The following ECE1 variants were observed in gnomAD, a reference collection of about 807,000 sequenced individuals.
The protein encoded by ECE1 is endothelin-converting enzyme 1.
A neutral mutation model predicts 98.6 loss-of-function variants in ECE1; 35 were observed. That is an observed-to-expected ratio of 0.35 (90% CI 0.27 to 0.47). The LOEUF (loss-of-function observed/expected upper bound fraction) is 0.47. Among genes scored for constraint, ECE1 ranks in the 20% least tolerant of loss-of-function variants. The pLI, the probability that ECE1 is intolerant of heterozygous loss-of-function variation, is 1.00. For synonymous variants in ECE1, 394 were observed against 407.1 expected, an observed-to-expected ratio of 0.97 and a Z score of 0.39; for missense variants, 814 against 1,025.3, an observed-to-expected ratio of 0.79 and a Z score of 2.81.
chr1:21,328,908 C>A (rs1057045299), intron 1 of ECE1, among the ~76,000 whole-genome samples: 2 of 152,054 alleles, frequency 1.3e-5, no homozygotes, highest in Non-Finnish European at 2.9e-5. Context: ...GGGCAAGGTA[C>A]CGCCTCTCTG....
At chr1:21,274,121 A>G (rs1034040002) in intron 3 of ECE1, among the ~76,000 whole-genome samples, 4 of 152,236 alleles carry the variant, frequency 2.6e-5, no homozygotes, top group African/African-American at 4.8e-5. Flanking sequence ...ATTACAAGTC[A>G]TCAGATGCAG....
At chr1:21,306,160 G>A (rs1400374570) in intron 1 of ECE1, among the ~76,000 whole-genome samples, 3 of 152,170 alleles carry the variant, frequency 2.0e-5, no homozygotes, top group African/African-American at 7.2e-5. Flanking sequence ...CAAAAAATGA[G>A]CTTCCCACCA....
At chr1:21,242,880 A>G (rs186645756) in intron 10 of ECE1, among the ~76,000 whole-genome samples, 2 of 152,222 alleles carry the variant, frequency 1.3e-5, no homozygotes, top group Non-Finnish European at 2.9e-5. Context: ...TCCTGGGCTC[A>G]AGCAGTCCTC....
intron 1 of ECE1, among the ~76,000 whole-genome samples, chr1:21,342,607 T>TACACATACAC (rs1161666338): frequency 5.7e-5 from 8 of 139,724 alleles, no homozygotes; most frequent in Non-Finnish European, 1.1e-4. Flanking sequence ...CACACACAGA[T>TACACATACAC]ACACACACAC....
At chr1:21,257,491 G>A (rs1208373479) in intron 7 of ECE1, 34 bp downstream of exon 7, 1 of 1,612,202 alleles carries the variant, frequency 6.2e-7, no homozygotes, top group Non-Finnish European at 8.5e-7. Flanking sequence ...GGACCGTGCT[G>A]GGAGGCAGGC....
At chr1:21,257,831 GCCACC>G (rs1325139005) in intron 6 of ECE1, among the ~76,000 whole-genome samples, 1 of 152,180 alleles carries the variant, frequency 6.6e-6, no homozygotes, top group Non-Finnish European at 1.5e-5. Flanking sequence ...GCTGGACAGA[GCCACC>G]CTCCTTTTTA....
intron 9 of ECE1, among the ~76,000 whole-genome samples, chr1:21,246,933 T>G (rs1428470120): frequency 6.6e-6 from 1 of 152,234 alleles, no homozygotes; most frequent in African/African-American, 2.4e-5. Context: ...GTCCCGCAAT[T>G]ACGGGCGTTC....
At chr1:21,341,809 C>CA (rs1037499450) in intron 1 of ECE1, among the ~76,000 whole-genome samples, 1 of 145,798 alleles carries the variant, frequency 6.9e-6, no homozygotes. Flanking sequence ...TTCTCCCTAC[C>CA]TTTTTTTTTT....
At chr1:21,326,291 G>A (rs1639077862) in intron 1 of ECE1, among the ~76,000 whole-genome samples, 1 of 152,092 alleles carries the variant, frequency 6.6e-6, no homozygotes, top group South Asian at 2.1e-4. Context: ...GATCAAGCTT[G>A]TCTCTTGAGT....
At chr1:21,240,260 GTGGATCCCC>G (rs1452459464) in intron 10 of ECE1, among the ~76,000 whole-genome samples, 1 of 152,058 alleles carries the variant, frequency 6.6e-6, no homozygotes, top group Non-Finnish European at 1.5e-5. Flanking sequence ...GCTGAGGTGG[GTGGATCCCC>G]TGAGGTCAGG....
intron 1 of ECE1, among the ~76,000 whole-genome samples, chr1:21,305,891 G>A (rs1204213454): frequency 1.3e-5 from 2 of 152,220 alleles, no homozygotes; most frequent in Non-Finnish European, 2.9e-5. Context: ...TCCCCAGAGA[G>A]AACCCTCTGT....
chr1:21,328,988 C>G (rs34175062), intron 1 of ECE1, among the ~76,000 whole-genome samples: 10,925 of 152,062 alleles, frequency 0.072, 535 homozygotes, highest in Middle Eastern at 0.11. Context: ...ATGACTGCTG[C>G]GAATCTCTCT....
rs377175314 is a variant in ECE1, at chr1:21,317,530, T to C, written c.4-27374A>G. 7.2e-5 allele frequency among the ~76,000 whole-genome samples: 11 copies of C among 152,316 alleles called. No individual in the cohort carries two copies. The East Asian group carries it at 1.2e-3, about 16-fold the overall frequency. ...AGCTCTGGGGATTGAGCAATCTTGGTCCCCTGACCGGGATGGAGTCATGGG... is the reference window on the plus strand; with the variant it reads ...AGCTCTGGGGATTGAGCAATCTTGGCCCCCTGACCGGGATGGAGTCATGGG... On this transcript the variant is annotated intron_variant, in intron 1 of 18. Transcript: ENST00000415912.
At chr1:21,294,159 TCC>T (rs1478425197), upstream of ECE1, 23 of 152,664 alleles carry the variant, frequency 1.5e-4, no homozygotes, top group African/African-American at 5.3e-4. This position sits in a 1 kb window ranked among gnomAD's most constrained non-coding sequence, Gnocchi z 4.2. Flanking sequence ...CGAACCTGGG[TCC>T]TGGACTCTTG....
intron 2 of ECE1, among the ~76,000 whole-genome samples, chr1:21,281,320 G>A (rs985965496): frequency 4.6e-5 from 7 of 152,282 alleles, no homozygotes; most frequent in South Asian, 4.1e-4. Flanking sequence ...GAGGGATGCC[G>A]CCCGCTCAAA....
chr1:21,260,526 G>A lies in ECE1; in HGVS notation c.494-134C>T. 8.5e-7 allele frequency: 1 copy of A among 1,178,804 alleles called. No individual in the cohort carries two copies. Among genetic ancestry groups the A allele is most frequent in the Non-Finnish European group, 1.3e-6 (1 of 798,520 alleles). The allele number at this position is 1,178,804 out of a possible 1,614,324, so 73.0% of individuals were successfully genotyped here. On this transcript the variant is annotated intron_variant, in intron 4 of 18. Coordinates refer to ENST00000374893, the MANE Select transcript of ECE1 (RefSeq NM_001397.3). This position sits in a 1 kb window ranked among gnomAD's most constrained non-coding sequence, Gnocchi z 4.3. ...CTGACATCTGCCTGTCGGAGTGGCAGTGAGGAATGCCGTCACCGTGAGTAT... is the reference window on the plus strand; with the variant it reads ...CTGACATCTGCCTGTCGGAGTGGCAATGAGGAATGCCGTCACCGTGAGTAT...
chr1:21,338,330 T>C (rs3026814), intron 1 of ECE1, among the ~76,000 whole-genome samples: 4,851 of 152,294 alleles, frequency 0.032, 245 homozygotes, highest in African/African-American at 0.11. Context: ...AAAATGTTTA[T>C]CTGGAATCAC....
chr1:21,283,082 C>T (rs913018694), intron 2 of ECE1, among the ~76,000 whole-genome samples: 1 of 151,408 alleles, frequency 6.6e-6, no homozygotes, highest in Non-Finnish European at 1.5e-5. Flanking sequence ...GCTGGGACTA[C>T]AGGCACATGC....
chr1:21,291,966 G>C (rs2098266950), upstream of ECE1, among the ~76,000 whole-genome samples: 1 of 136,090 alleles, frequency 7.3e-6, no homozygotes, highest in Non-Finnish European at 1.5e-5. Context: ...TCTACAAAAA[G>C]AAAATATATA....
Sources: allele counts gnomAD v4.1 joint callset (sites outside exome capture counted in the v4.1 genomes callset), GRCh38; gene constraint gnomAD v4.1.1; non-coding constraint Gnocchi (gnomAD v3.1); transcripts MANE v1.5; gene names NCBI Gene and HGNC (gene_info 2026-07-23, HGNC 2026-07-21).